The following STON2 variants were observed in gnomAD, a reference collection of about 807,000 sequenced individuals.
STON2 encodes the protein stonin 2.
In STON2, 29 loss-of-function variants were observed where a neutral mutation model predicts 65.7. The ratio of observed to expected loss-of-function variants is 0.44; its 90% CI spans 0.33 to 0.60. The LOEUF is 0.60. STON2 is among the 20% of genes least tolerant of loss of function. STON2 has a pLI of 0.03. For synonymous variants in STON2, 404 were observed against 414.2 expected, an observed-to-expected ratio of 0.98 and a Z score of 0.30; for missense variants, 1,054 against 1,118.1, an observed-to-expected ratio of 0.94 and a Z score of 0.82.
intron 4 of STON2, among the ~76,000 whole-genome samples, chr14:81,345,546 G>A (rs954280574): frequency 6.6e-6 from 1 of 152,110 alleles, no homozygotes; most frequent in African/African-American, 2.4e-5. Flanking sequence ...AGGATGGCTG[G>A]GGCCCAGGAG....
chr14:81,283,237 A>C (rs1895194147), intron 5 of STON2, among the ~76,000 whole-genome samples: 1 of 152,242 alleles, frequency 6.6e-6, no homozygotes, highest in African/African-American at 2.4e-5. Context: ...TAAATTAAAT[A>C]AAGTGATTTC....
At chr14:81,289,186 A>C (rs1895456655) in intron 5 of STON2, among the ~76,000 whole-genome samples, 1 of 152,148 alleles carries the variant, frequency 6.6e-6, no homozygotes, top group Non-Finnish European at 1.5e-5. Context: ...AGTAGAACCT[A>C]AAGTGGAATT....
rs1354433180 is a variant in STON2 at position 81,270,805 on chromosome 14, T to A, written c.2649A>T (p.Arg883Ser). The A allele has an allele frequency of 6.2e-7, 1 of 1,613,836 alleles. No individual in the cohort carries two copies. Among genetic ancestry groups the A allele is most frequent in the Non-Finnish European group, 8.5e-7 (1 of 1,180,026 alleles). ...ELGSDREVPS[R>S]FANHVNVEFS... Reference sequence around the variant, plus strand: ...ACTCGACATTCACGTGATTGGCAAATCTGGAAGGCACTTCCCGGTCAGAGC... The same window carrying A: ...ACTCGACATTCACGTGATTGGCAAAACTGGAAGGCACTTCCCGGTCAGAGC... The change falls in exon 7 of 8, where the codon AGA becomes AGT. Residue 883 changes from arginine to serine, a missense_variant. Transcript: ENST00000614646.
chr14:81,307,556 T>G (rs1010431437), intron 5 of STON2, among the ~76,000 whole-genome samples: 1 of 152,224 alleles, frequency 6.6e-6, no homozygotes, highest in Non-Finnish European at 1.5e-5. Flanking sequence ...CTCAATCTTC[T>G]TGTAAATGAG....
At chr14:81,425,887 T>A (rs1017383824) in intron 2 of STON2, among the ~76,000 whole-genome samples, 2 of 152,202 alleles carry the variant, frequency 1.3e-5, no homozygotes, top group Admixed American at 6.5e-5. Context: ...CCTCTCTCTT[T>A]TATTATTTTT....
Position 81,415,803 on chromosome 14 carries a change from A to C in STON2, c.-199+11299T>G, listed in dbSNP as rs529870072. 2.6e-5 allele frequency among the ~76,000 whole-genome samples: 4 copies of C among 152,292 alleles called. No homozygotes were observed. The East Asian group carries it at 7.7e-4, about 29-fold the overall frequency. On this transcript the variant is annotated intron_variant, in intron 2 of 8. Coordinates refer to the STON2 transcript ENST00000553821. ...TTAATTTGGTCCAATCAGAGAAGAA[A>C]ATATATCCAAAAAAATCATAATATT...
Position 81,262,069 on chromosome 14 carries a change from C to T in STON2, c.*6345G>A. On this transcript the variant is annotated 3_prime_UTR_variant, in exon 8 of 8. Coordinates refer to ENST00000614646, the MANE Select transcript of STON2 (RefSeq NM_001394390.1). ...TAGGAAGAGTCACTGAAAGGTGGCA[C>T]CAATGGATATTTTGTAAAATAACCC... 7.7e-7 allele frequency: 1 copy of T among 1,295,812 alleles called. No individual in the cohort carries two copies. Among genetic ancestry groups the T allele is most frequent in the Non-Finnish European group, 9.8e-7 (1 of 1,024,528 alleles). 80.3% of individuals were successfully genotyped at this position (1,295,812 alleles called of 1,614,324 possible). A position where few individuals can be genotyped will look rare whatever the true frequency, so the allele number is the denominator to read the frequency against.
chr14:81,320,072 G>A (rs1326277631), intron 5 of STON2, among the ~76,000 whole-genome samples: 1 of 152,166 alleles, frequency 6.6e-6, no homozygotes, highest in East Asian at 1.9e-4. Context: ...AGTGTCTGAG[G>A]TTAGCTGGCT....
At position 81,308,781 on chromosome 14, in the gene STON2, CATATATATATATATATATATAT is replaced by C. The variant is rs57821672; in HGVS notation, c.742+15214_742+15235del. On this transcript the variant is annotated intron_variant, in intron 5 of 7. Coordinates refer to ENST00000614646, the MANE Select transcript of STON2 (RefSeq NM_001394390.1). ...TTCACCCAGAGGACATGGTTTTACC[CATATATATATATATATATATAT>C]ATATATATATATATATATATATGTG... Among the ~76,000 whole-genome samples the C allele has an allele frequency of 3.3e-3, 30 of 9,164 alleles. 4 individuals carry two copies. Among genetic ancestry groups the C allele is most frequent in the Admixed American group, 0.02 (14 of 702 alleles). The allele number at this position is 9,164 out of a possible 152,430, so 6.0% of individuals were successfully genotyped here.
intron 4 of STON2, among the ~76,000 whole-genome samples, chr14:81,345,188 G>A (rs1212458846): frequency 1.3e-5 from 2 of 152,162 alleles, no homozygotes; most frequent in African/African-American, 2.4e-5. Context: ...CTGAATTGTA[G>A]TTACATAGTA....
chr14:81,387,122 G>T (rs1468075694), intron 3 of STON2, among the ~76,000 whole-genome samples: 1 of 151,352 alleles, frequency 6.6e-6, no homozygotes, highest in Non-Finnish European at 1.5e-5. Context: ...TTTCTTTAGA[G>T]AACTATACAA....
intron 2 of STON2, among the ~76,000 whole-genome samples, chr14:81,424,238 G>A (rs148488509): frequency 0.021 from 3,242 of 152,160 alleles, 121 homozygotes; most frequent in East Asian, 0.17. Flanking sequence ...GATGTCAGGA[G>A]TTTGAGACCA....
At chr14:81,417,840 A>T (rs1901513503) in intron 2 of STON2, among the ~76,000 whole-genome samples, 1 of 152,012 alleles carries the variant, frequency 6.6e-6, no homozygotes. Flanking sequence ...GGGACGGGGG[A>T]AGTTAGACCC....
intron 5 of STON2, among the ~76,000 whole-genome samples, chr14:81,294,475 A>T (rs1021332970): frequency 1.3e-5 from 2 of 152,160 alleles, no homozygotes; most frequent in African/African-American, 2.4e-5. Flanking sequence ...TAGCTCTGTG[A>T]CCTTGTGTAA....
chr14:81,406,128 C>T (rs1423800096), intron 2 of STON2, among the ~76,000 whole-genome samples: 1 of 152,208 alleles, frequency 6.6e-6, no homozygotes, highest in Non-Finnish European at 1.5e-5. Context: ...CTGAAGGCCA[C>T]ACTGTCGGCT....
In STON2 at chr14:81,277,993, T is replaced by A; in HGVS notation, c.1489A>T (p.Ile497Phe). 1 of 1,614,188 alleles carries A rather than the reference T, an allele frequency of 6.2e-7. No individual in the cohort carries two copies. The change falls in exon 6 of 8, where the codon ATC becomes TTC. Residue 497 changes from isoleucine to phenylalanine, a missense_variant. Coordinates refer to ENST00000614646, the MANE Select transcript of STON2 (RefSeq NM_001394390.1). ...GGTCCCCAGTGCCTGGAGGACATGATGTTTTTCTTCTCAGGGATCCTCAAC... is the reference window on the plus strand; with the variant it reads ...GGTCCCCAGTGCCTGGAGGACATGAAGTTTTTCTTCTCAGGGATCCTCAAC... Reference protein sequence around the residue: ...MMLRIPEKKNIMSSRHWGPIF... With the variant: ...MMLRIPEKKNFMSSRHWGPIF...
chr14:81,425,831 C>G (rs374251314), intron 2 of STON2, among the ~76,000 whole-genome samples: 3 of 152,158 alleles, frequency 2.0e-5, no homozygotes, highest in Non-Finnish European at 4.4e-5. Flanking sequence ...ACAGAGAAAA[C>G]GTAAGTCTCT....
intron 3 of STON2, among the ~76,000 whole-genome samples, chr14:81,392,936 G>A (rs1021830200): frequency 2.6e-5 from 4 of 152,168 alleles, no homozygotes; most frequent in Admixed American, 2.0e-4. Flanking sequence ...CAATGCAAAT[G>A]TCAATGCAGT....
At chr14:81,272,669 G>T (rs1894648242) in intron 6 of STON2, among the ~76,000 whole-genome samples, 5 of 152,154 alleles carry the variant, frequency 3.3e-5, no homozygotes, top group African/African-American at 4.8e-5. Flanking sequence ...TTTCAGAAAA[G>T]AATTTAAGAT....
Sources: allele counts gnomAD v4.1 joint callset (sites outside exome capture counted in the v4.1 genomes callset), GRCh38; gene constraint gnomAD v4.1.1; transcripts MANE v1.5; gene names NCBI Gene and HGNC (gene_info 2026-07-23, HGNC 2026-07-21).